Variants in SNX5 observed in about 807,000 individuals in gnomAD.
SNX5 encodes the protein sorting nexin-5.
SNX5 carries 31 observed loss-of-function variants against 53.9 expected under a neutral mutation model. The ratio of observed to expected loss-of-function variants is 0.58; its 90% CI spans 0.43 to 0.78. SNX5 has a LOEUF of 0.78. SNX5 is among the 30% of genes least tolerant of loss of function. The pLI is 0.00. For missense variants in SNX5, 471 were observed against 478.8 expected (o/e 0.98, Z 0.15); for synonymous variants, 168 against 171.1 (o/e 0.98, Z 0.14).
intron 1 of SNX5, among the ~76,000 whole-genome samples, chr20:17,962,491 C>T (rs1031125237): frequency 1.3e-5 from 2 of 152,096 alleles, no homozygotes; most frequent in Non-Finnish European, 2.9e-5. Flanking sequence ...GCGTGAGCCA[C>T]CGCGCCCAGC....
intron 1 of SNX5, 142 bp downstream of exon 1, chr20:17,968,233 G>A: frequency 1.7e-6 from 1 of 595,714 alleles, no homozygotes. Flanking sequence ...AGGGAGAGGG[G>A]CCGCCCGGGT....
intron 12 of SNX5, chr20:17,942,866 T>C: frequency 2.4e-6 from 1 of 411,482 alleles, no homozygotes; most frequent in Non-Finnish European, 4.3e-6. Flanking sequence ...AAGTCCAGCC[T>C]GGCCAAAATG....
At chr20:17,965,612 A>G (rs1003237133) in intron 1 of SNX5, among the ~76,000 whole-genome samples, 3 of 144,258 alleles carry the variant, frequency 2.1e-5, no homozygotes, top group South Asian at 4.8e-4. Flanking sequence ...TCGAGGCTGC[A>G]GTGAGTTGTG....
Position 17,968,434 on chromosome 20 carries a change from G to C in SNX5, c.-9C>G. Reference sequence around the variant, plus strand: ...TCGGGAACCGCGGCCATGGCGACGCGGGACTCGAGCAGGGGCCGCCTGGCT... The same window carrying C: ...TCGGGAACCGCGGCCATGGCGACGCCGGACTCGAGCAGGGGCCGCCTGGCT... On this transcript the variant is annotated 5_prime_UTR_variant, in exon 1 of 13. Transcript: ENST00000377759. 1 of 1,287,342 alleles carries C rather than the reference G, an allele frequency of 7.8e-7. No individual in the cohort carries two copies. The highest frequency in any genetic ancestry group is 9.9e-7 in the Non-Finnish European group (1 of 1,014,362). 79.7% of individuals were successfully genotyped at this position (1,287,342 alleles called of 1,614,324 possible).
intron 2 of SNX5, among the ~76,000 whole-genome samples, chr20:17,956,440 G>C (rs918601215): frequency 6.6e-6 from 1 of 152,126 alleles, no homozygotes; most frequent in Non-Finnish European, 1.5e-5. Flanking sequence ...AACAAAGCTG[G>C]GGCCCGGTGT....
intron 11 of SNX5, 162 bp from the exon 12 acceptor site, chr20:17,943,357 A>T: frequency 1.6e-6 from 1 of 613,212 alleles, no homozygotes; most frequent in Non-Finnish European, 2.9e-6. Flanking sequence ...CACATCAGAC[A>T]TCTATTAACT....
intron 11 of SNX5, chr20:17,945,226 A>G (rs1884709): frequency 0.8 from 122,476 of 152,168 alleles, 49,864 homozygotes; most frequent in East Asian, 0.97. Context: ...GCCTTCCTCT[A>G]GACCTACACA....
intron 11 of SNX5, 29 bp downstream of exon 11, chr20:17,947,457 A>T (rs1306211867): frequency 6.3e-7 from 1 of 1,598,732 alleles, no homozygotes; most frequent in Admixed American, 1.8e-5. Context: ...TTCAAATTAC[A>T]GTACAGAAAG....
In SNX5 at chr20:17,968,461, T is replaced by C; in HGVS notation, c.-36A>G. The stretch of plus-strand genomic sequence containing the variant: ...GACTCGAGCAGGGGCCGCCTGGCTG[T>C]GCGAGGAAAGAAGAAGCTGGGCCGC... On this transcript the variant is annotated 5_prime_UTR_variant, in exon 1 of 13. Coordinates refer to ENST00000377759, the MANE Select transcript of SNX5 (RefSeq NM_014426.4). 2.3e-6 allele frequency: 3 copies of C among 1,287,646 alleles called. No individual in the cohort carries two copies. Among genetic ancestry groups the C allele is most frequent in the African/African-American group, 3.1e-5 (2 of 64,572 alleles). 79.8% of individuals were successfully genotyped at this position (1,287,646 alleles called of 1,614,324 possible).
At chr20:17,965,487 G>A (rs933376050) in intron 1 of SNX5, among the ~76,000 whole-genome samples, 7 of 152,040 alleles carry the variant, frequency 4.6e-5, no homozygotes, top group African/African-American at 1.7e-4. Context: ...TGAACTGGAT[G>A]GTGAAACCCC....
At chr20:17,968,320 A>G in intron 1 of SNX5, 55 bp downstream of exon 1, 1 of 1,227,866 alleles carries the variant, frequency 8.1e-7, no homozygotes. Context: ...GAATGCAGCG[A>G]CCCCGGAGCT....
rs778494613 is a variant in SNX5, at chr20:17,952,665, G to A, written c.435C>T (p.Val145=). ...GGTGAGAAGAAAGCCGCTGAAGAAA[G>A]ACTTCATGGGAGGACACAGTCTTCT... is the stretch of plus-strand genomic sequence containing the variant. ...VFKKTVSSHE[V]FLQRLSSHPV... The change falls in exon 5 of 13, where the codon GTC becomes GTT. Residue 145 remains valine (V), a synonymous_variant. Coordinates refer to ENST00000377759, the MANE Select transcript of SNX5 (RefSeq NM_014426.4). The A allele has an allele frequency of 1.2e-6, 2 of 1,613,952 alleles. No individual in the cohort carries two copies. The highest frequency in any genetic ancestry group is 8.5e-7 in the Non-Finnish European group (1 of 1,179,998).
At chr20:17,956,697 A>AAAAC (rs2035365501) in intron 2 of SNX5, among the ~76,000 whole-genome samples, 5 of 126,648 alleles carry the variant, frequency 3.9e-5, no homozygotes, top group African/African-American at 1.1e-4. Flanking sequence ...AAAAAAAAAA[A>AAAAC]AAAAAAACAA....
intron 1 of SNX5, among the ~76,000 whole-genome samples, chr20:17,966,112 G>C (rs1347197732): frequency 6.6e-6 from 1 of 152,044 alleles, no homozygotes; most frequent in Non-Finnish European, 1.5e-5. Context: ...GTAAGTTAAG[G>C]CCAAGTTGTT....
At position 17,949,060 on chromosome 20, in the gene SNX5, T is replaced by A; in HGVS notation, c.831+4A>T. The A allele has an allele frequency of 6.2e-7, 1 of 1,612,750 alleles. No homozygotes were observed. The highest frequency in any genetic ancestry group is 8.5e-7 in the Non-Finnish European group (1 of 1,179,284). ...ATTATGAAGACCAACACAGAAATCC[T>A]TACCCTTAGTTTTTCAAATAGCTCA... On this transcript the variant is annotated splice_donor_region_variant and intron_variant, in intron 9 of 12. Transcript: ENST00000377759.
At chr20:17,963,051 C>G (rs148560944) in intron 1 of SNX5, 1 of 361,252 alleles carries the variant, frequency 2.8e-6, no homozygotes, top group South Asian at 2.1e-5. Flanking sequence ...TACTAAGTAC[C>G]GAAATTATAA....
intron 1 of SNX5, chr20:17,967,747 T>C (rs918527530): frequency 4.0e-6 from 1 of 250,484 alleles, no homozygotes. Flanking sequence ...CTTTTAGACC[T>C]CAAGATACAC....
At position 17,955,492 on chromosome 20, in the gene SNX5, A is replaced by C. The variant is rs1161149698; in HGVS notation, c.157-17T>G. 5.7e-6 allele frequency: 9 copies of C among 1,586,516 alleles called. No individual in the cohort carries two copies. In the Admixed American group the frequency reaches 8.4e-5, roughly 15 times the overall value. ...CAGTGTGGTCTGTAAAGAAAGAAAGAAGTTAACTGGTAACCACGACTTTTA... is the reference window on the plus strand; with the variant it reads ...CAGTGTGGTCTGTAAAGAAAGAAAGCAGTTAACTGGTAACCACGACTTTTA... On this transcript the variant is annotated splice_polypyrimidine_tract_variant and intron_variant, in intron 2 of 12. Transcript: ENST00000377759.
At position 17,950,324 on chromosome 20, in the gene SNX5, C is replaced by G; in HGVS notation, c.682G>C (p.Val228Leu). ...GATCTGGTCATTTTGTCAGCTTTCA[C>G]ACAAGAATCTTTGATCCTATTGTAA... ...NYYNRIKDSC[V>L]KADKMTRSHK... Residue 228 changes from valine (V) to leucine (L), a missense_variant, in exon 7 of 13, where the codon GTG (valine) becomes CTG (leucine). Transcript: ENST00000377759. 1 of 1,613,536 alleles carries G rather than the reference C, an allele frequency of 6.2e-7. No homozygotes were observed. Among genetic ancestry groups the G allele is most frequent in the Non-Finnish European group, 8.5e-7 (1 of 1,179,484 alleles).
Sources: allele counts gnomAD v4.1 joint callset (sites outside exome capture counted in the v4.1 genomes callset), GRCh38; gene constraint gnomAD v4.1.1; transcripts MANE v1.5; gene names NCBI Gene and HGNC (gene_info 2026-07-23, HGNC 2026-07-21).